TRPM8: variants seen among roughly 807,000 people sequenced by gnomAD.
The protein encoded by TRPM8 is TRPM8 cationic channel.
A neutral mutation model predicts 133.7 loss-of-function variants in TRPM8; 110 were observed. The observed-to-expected ratio is 0.82, with a 90% CI of 0.70 to 0.96. The LOEUF (loss-of-function observed/expected upper bound fraction) is 0.96, where lower values mean the gene tolerates loss of function less well. TRPM8 is among the 40% of genes least tolerant of loss of function. TRPM8 has a pLI of 0.00. For missense variants in TRPM8, 1,291 were observed against 1,379.5 expected, an observed-to-expected ratio of 0.94 and a Z score of 1.02; for synonymous variants, 535 against 532.3, an observed-to-expected ratio of 1.01 and a Z score of -0.07.
chr2:233,922,950 G>A (rs1344469317), intron 1 of TRPM8, among the ~76,000 whole-genome samples: 1 of 152,026 alleles, frequency 6.6e-6, no homozygotes, highest in African/African-American at 2.4e-5. Flanking sequence ...CTCACTTCAA[G>A]CTCCGCCTCC....
chr2:233,974,816 A>G (rs1691826040), intron 17 of TRPM8, among the ~76,000 whole-genome samples: 1 of 152,188 alleles, frequency 6.6e-6, no homozygotes, highest in Non-Finnish European at 1.5e-5. Flanking sequence ...AGTAGAATCA[A>G]GTGACACTGG....
chr2:233,969,197 G>A (rs951633655), intron 15 of TRPM8, among the ~76,000 whole-genome samples: 1 of 152,086 alleles, frequency 6.6e-6, no homozygotes, highest in African/African-American at 2.4e-5. Context: ...AACCAAGTTT[G>A]GCCAGGCATG....
chr2:233,945,932 A>G lies in TRPM8; in HGVS notation c.776A>G (p.His259Arg), dbSNP rs746455511. Residue 259 changes from histidine (H) to arginine (R), a missense_variant, in exon 7 of 26, where the codon CAT becomes CGT. Around this residue, in one of 2 missense-constraint regions of TRPM8, gnomAD observed 963 missense variants for 968.9 expected, o/e 0.99. Transcript: ENST00000324695. Reference protein sequence around the residue: ...PLYILDNNHTHLLLVDNGCHG... With the variant: ...PLYILDNNHTRLLLVDNGCHG... ...TATATCCTGGACAACAACCACACACATTTGCTGCTCGTGGACAATGGCTGT... is the reference window on the plus strand; with the variant it reads ...TATATCCTGGACAACAACCACACACGTTTGCTGCTCGTGGACAATGGCTGT... The G allele has an allele frequency of 3.7e-6, 6 of 1,614,016 alleles. No homozygotes were observed. The Admixed American group carries it at 5.0e-5, about 13-fold the overall frequency.
intron 21 of TRPM8, among the ~76,000 whole-genome samples, chr2:233,995,649 G>A (rs1184879408): frequency 1.3e-5 from 2 of 151,908 alleles, no homozygotes; most frequent in African/African-American, 4.8e-5. Flanking sequence ...AACTTTAATG[G>A]CTGCATAATG....
At chr2:233,934,005 C>T (rs7564831) in intron 3 of TRPM8, 12,383 of 167,044 alleles carry the variant, frequency 0.074, 1,325 homozygotes, top group African/African-American at 0.23. Flanking sequence ...CTAGCTCAAT[C>T]GTTATAGCTT....
intron 17 of TRPM8, among the ~76,000 whole-genome samples, chr2:233,971,842 G>A (rs552365515): frequency 6.6e-5 from 10 of 151,110 alleles, no homozygotes; most frequent in Non-Finnish European, 1.3e-4. Context: ...CTGTGGAAGG[G>A]GACCCCAGCA....
Position 233,974,276 on chromosome 2 carries a change from C to T in TRPM8, c.2355+3850C>T, listed in dbSNP as rs141901071. On this transcript the variant is annotated intron_variant, in intron 17 of 25. Coordinates refer to ENST00000324695, the MANE Select transcript of TRPM8 (RefSeq NM_024080.5). ...TGAGACTGTATCTTGCTCTGTTGCC[C>T]GGGCTGGAGTGCAATGGCGTGATCT... 4.3e-3 allele frequency among the ~76,000 whole-genome samples: 649 copies of T among 152,094 alleles called. 12 individuals are homozygous for T. Among genetic ancestry groups the T allele is most frequent in the African/African-American group, 0.015 (631 of 41,478 alleles).
At chr2:234,014,936 AACCT>A (rs1163673345) in intron 25 of TRPM8, among the ~76,000 whole-genome samples, 1 of 152,220 alleles carries the variant, frequency 6.6e-6, no homozygotes, top group African/African-American at 2.4e-5. Context: ...AAACACTTGC[AACCT>A]ATGCAGCTAT....
At chr2:234,004,129 C>G (rs1254805925) in intron 22 of TRPM8, among the ~76,000 whole-genome samples, 1 of 152,184 alleles carries the variant, frequency 6.6e-6, no homozygotes, top group African/African-American at 2.4e-5. Context: ...GGACCTGTCT[C>G]CCAAGTGGGC....
intron 13 of TRPM8, 77 bp from the exon 14 acceptor site, chr2:233,964,551 C>CAAAAAAAA (rs34817253): frequency 1.3e-4 from 73 of 571,654 alleles, no homozygotes; most frequent in African/African-American, 1.1e-3. Flanking sequence ...GACTCCGTCT[C>CAAAAAAAA]AAAAAAAAAA....
At chr2:233,962,761 A>G (rs544303268) in intron 12 of TRPM8, among the ~76,000 whole-genome samples, 1 of 152,366 alleles carries the variant, frequency 6.6e-6, no homozygotes, top group African/African-American at 2.4e-5. Context: ...ATATATATCC[A>G]TTTAGTTGTT....
chr2:234,008,345 C>A (rs973372871), intron 24 of TRPM8, among the ~76,000 whole-genome samples: 2 of 152,190 alleles, frequency 1.3e-5, no homozygotes, highest in African/African-American at 2.4e-5. Context: ...CAACTCAGGG[C>A]CCCCTCTTCT....
intron 9 of TRPM8, among the ~76,000 whole-genome samples, chr2:233,952,485 G>A (rs1200878168): frequency 1.3e-5 from 2 of 151,878 alleles, no homozygotes; most frequent in Non-Finnish European, 2.9e-5. Context: ...GGTGGTGGTG[G>A]GAACAGCATG....
rs373021476 is a variant in TRPM8, at chr2:233,985,782, C to T, written c.2856C>T (p.Pro952=). ...ELDEHNLPRF[P]EWITIPLVCI... ...ATGAGCACAACCTGCCCCGGTTCCC[C>T]GAGTGGATCACCATCCCCCTGGTGT... is the stretch of plus-strand genomic sequence containing the variant. The change falls in exon 21 of 26, where the codon CCC becomes CCT. Residue 952 remains proline, a synonymous_variant. Coordinates refer to ENST00000324695, the MANE Select transcript of TRPM8 (RefSeq NM_024080.5). 1.9e-5 allele frequency: 30 copies of T among 1,614,146 alleles called. 1 individual carries two copies. Among genetic ancestry groups the T allele is most frequent in the South Asian group, 1.5e-4 (14 of 91,068 alleles).
chr2:233,964,185 C>G (rs866288780), intron 13 of TRPM8, among the ~76,000 whole-genome samples: 1 of 152,142 alleles, frequency 6.6e-6, no homozygotes, highest in East Asian at 1.9e-4. Flanking sequence ...AAAATTGATT[C>G]TACTATTTCC....
rs1175402298 is a variant in TRPM8 at position 233,961,612 on chromosome 2, C to CTTCTT, written c.1653+564_1653+568dup. Among the ~76,000 whole-genome samples, 295 of 135,024 alleles carry CTTCTT rather than the reference C, an allele frequency of 2.2e-3. 1 individual carries two copies. The highest frequency in any genetic ancestry group is 8.0e-3 in the African/African-American group (276 of 34,566). The allele number at this position is 135,024 out of a possible 152,430, so 88.6% of individuals were successfully genotyped here. Reference sequence around the variant, plus strand: ...AGCCACCGTGCCCGGCCTCTTTTTTCTTCTTTTCTTTTCTTTTCTTTTTTT... The same window carrying CTTCTT: ...AGCCACCGTGCCCGGCCTCTTTTTTCTTCTTTTCTTTTCTTTTCTTTTCTTTTTTT... On this transcript the variant is annotated intron_variant, in intron 12 of 25. Coordinates refer to ENST00000324695, the MANE Select transcript of TRPM8 (RefSeq NM_024080.5).
intron 9 of TRPM8, among the ~76,000 whole-genome samples, chr2:233,952,783 G>A (rs997837686): frequency 3.3e-5 from 5 of 152,106 alleles, no homozygotes; most frequent in Admixed American, 6.5e-5. Flanking sequence ...TCCTGTGGCC[G>A]TCTCTGGGGT....
At chr2:233,968,102 T>C (rs1253167583) in intron 15 of TRPM8, 1 of 152,230 alleles carries the variant, frequency 6.6e-6, no homozygotes, top group Non-Finnish European at 1.5e-5. Flanking sequence ...AACCCAGTGC[T>C]GTAATTTCCG....
intron 13 of TRPM8, among the ~76,000 whole-genome samples, chr2:233,964,103 G>A (rs1691503517): frequency 6.6e-6 from 1 of 152,124 alleles, no homozygotes; most frequent in South Asian, 2.1e-4. Context: ...TTCCTAGGTT[G>A]AGCTTCGGGC....
Sources: allele counts gnomAD v4.1 joint callset (sites outside exome capture counted in the v4.1 genomes callset), GRCh38; gene constraint gnomAD v4.1.1; regional missense constraint gnomAD v4.1.1; transcripts MANE v1.5; gene names NCBI Gene and HGNC (gene_info 2026-07-23, HGNC 2026-07-21).